The following MBNL1 variants were observed in gnomAD, a reference collection of about 807,000 sequenced individuals.
MBNL1 encodes muscleblind like splicing regulator 1, also known as muscleblind-like protein 1.
A neutral mutation model predicts 42.2 loss-of-function variants in MBNL1; 8 were observed. The observed-to-expected ratio is 0.19, with a 90% CI of 0.11 to 0.34. MBNL1 has a LOEUF of 0.34. Ranked by LOEUF, MBNL1 falls within the 10% of genes least tolerant of loss-of-function variation. The pLI is 1.00. For synonymous variants in MBNL1, 169 were observed against 173.9 expected, an observed-to-expected ratio of 0.97 and a Z score of 0.22; for missense variants, 309 against 495.3, an observed-to-expected ratio of 0.62 and a Z score of 3.57.
chr3:152,446,812 T>A (rs111496905), intron 5 of MBNL1: 3 of 1,282,526 alleles, frequency 2.3e-6, no homozygotes, highest in Non-Finnish European at 2.2e-6. Context: ...TAGATACAAG[T>A]TTTTTTTTTA....
chr3:152,456,584 C>T, intron 8 of MBNL1, among the ~76,000 whole-genome samples: 1 of 152,180 alleles, frequency 6.6e-6, no homozygotes, highest in Non-Finnish European at 1.5e-5. Flanking sequence ...TTTATAAGTG[C>T]TCCAAAGTCG....
intron 1 of MBNL1, among the ~76,000 whole-genome samples, chr3:152,295,723 A>G (rs374833133): frequency 2.6e-5 from 4 of 152,168 alleles, no homozygotes; most frequent in East Asian, 1.9e-4. Context: ...TTGAACAGCA[A>G]TTTAAACAAG....
At chr3:152,296,850 A>G (rs1322515115) in intron 1 of MBNL1, among the ~76,000 whole-genome samples, 1 of 77,394 alleles carries the variant, frequency 1.3e-5, no homozygotes, top group Non-Finnish European at 3.0e-5. Context: ...AACTCCATCT[A>G]TTTTGCATCA....
chr3:152,348,267 A>T (rs948396257), intron 2 of MBNL1, among the ~76,000 whole-genome samples: 2 of 152,156 alleles, frequency 1.3e-5, no homozygotes, highest in African/African-American at 4.8e-5. Flanking sequence ...TCAACAAAAA[A>T]TTTTTATTTG....
chr3:152,370,239 C>T (rs540300643), intron 2 of MBNL1, among the ~76,000 whole-genome samples: 16 of 152,284 alleles, frequency 1.1e-4, no homozygotes, highest in African/African-American at 3.8e-4. Context: ...TTATTTATTT[C>T]TGCCTTAATT....
At chr3:152,263,149 A>G (rs1484575553), upstream of MBNL1, 2 of 152,214 alleles carry the variant, frequency 1.3e-5, no homozygotes, top group African/African-American at 4.8e-5. Context: ...GATTATATAT[A>G]AATGACATGG....
intron 1 of MBNL1, among the ~76,000 whole-genome samples, chr3:152,280,374 T>C (rs773038558): frequency 2.6e-5 from 4 of 152,178 alleles, no homozygotes; most frequent in Non-Finnish European, 5.9e-5. Flanking sequence ...TCATAATTTA[T>C]TAAAATGATG....
intron 5 of MBNL1, 104 bp downstream of exon 5, chr3:152,445,643 T>C (rs965518774): frequency 1.5e-4 from 194 of 1,288,592 alleles, no homozygotes; most frequent in Non-Finnish European, 2.0e-4. Context: ...TTAAAAAAAT[T>C]GCTGAAGATA....
At chr3:152,447,348 A>G (rs2153861394) in intron 5 of MBNL1, among the ~76,000 whole-genome samples, 1 of 152,254 alleles carries the variant, frequency 6.6e-6, no homozygotes, top group Non-Finnish European at 1.5e-5. Flanking sequence ...GCATTATGGG[A>G]CATAAAGCAC....
chr3:152,253,429 C>T (rs915209314), intron 2 of MBNL1, among the ~76,000 whole-genome samples: 5 of 152,224 alleles, frequency 3.3e-5, no homozygotes, highest in South Asian at 2.1e-4. Flanking sequence ...CTGGTCTGGA[C>T]GTCTCTGTTT....
intron 4 of MBNL1, among the ~76,000 whole-genome samples, chr3:152,437,466 G>A (rs981601906): frequency 1.3e-5 from 2 of 152,140 alleles, no homozygotes; most frequent in Admixed American, 1.3e-4. Flanking sequence ...CTTGGATCGA[G>A]ATGCTCTTAT....
intron 2 of MBNL1, among the ~76,000 whole-genome samples, chr3:152,331,718 A>G (rs370586701): frequency 3.9e-5 from 6 of 151,976 alleles, no homozygotes; most frequent in African/African-American, 1.4e-4. Flanking sequence ...ATTGATTGAG[A>G]TGGAGTTTTT....
intron 2 of MBNL1, among the ~76,000 whole-genome samples, chr3:152,348,549 T>G (rs564459236): frequency 1.5e-4 from 23 of 152,274 alleles, no homozygotes; most frequent in African/African-American, 5.3e-4. Context: ...TAATTTATTA[T>G]GTAGGTTGAA....
chr3:152,249,665 T>C (rs1462312092), intron 2 of MBNL1, among the ~76,000 whole-genome samples: 1 of 151,202 alleles, frequency 6.6e-6, no homozygotes, highest in Non-Finnish European at 1.5e-5. Flanking sequence ...GCCATTCTTT[T>C]TGGTGTTTTA....
At chr3:152,291,827 A>C (rs1247341655) in intron 1 of MBNL1, among the ~76,000 whole-genome samples, 1 of 152,118 alleles carries the variant, frequency 6.6e-6, no homozygotes, top group African/African-American at 2.4e-5. Flanking sequence ...CCTAGGCTAG[A>C]GTGTAGTGGC....
chr3:152,419,640 A>AGGCCCAGTTTT (rs1580061046), intron 3 of MBNL1, among the ~76,000 whole-genome samples: 2 of 152,062 alleles, frequency 1.3e-5, no homozygotes, highest in East Asian at 3.8e-4. Context: ...CAGGCACAAA[A>AGGCCCAGTTTT]CTGGGCGGCT....
intron 1 of MBNL1, among the ~76,000 whole-genome samples, chr3:152,272,154 C>T (rs138308363): frequency 1.6e-4 from 24 of 151,266 alleles, no homozygotes; most frequent in South Asian, 1.5e-3. Context: ...AGCAGGAAAA[C>T]AATATTCTGG....
At chr3:152,245,810 G>A (rs1297005060) in intron 2 of MBNL1, among the ~76,000 whole-genome samples, 1 of 152,148 alleles carries the variant, frequency 6.6e-6, no homozygotes, top group Non-Finnish European at 1.5e-5. Flanking sequence ...AAACTCAGAT[G>A]TGAATTGTTG....
intron 2 of MBNL1, among the ~76,000 whole-genome samples, chr3:152,351,127 ATAACT>A (rs1372795169): frequency 1.3e-5 from 2 of 152,194 alleles, no homozygotes; most frequent in Admixed American, 1.3e-4. Context: ...ATAACAAAAC[ATAACT>A]TAGAGTTCAG....
Sources: allele counts gnomAD v4.1 joint callset (sites outside exome capture counted in the v4.1 genomes callset), GRCh38; gene constraint gnomAD v4.1.1; transcripts MANE v1.5; gene names NCBI Gene and HGNC (gene_info 2026-07-23, HGNC 2026-07-21).